Variants in SMAD1 observed in about 807,000 individuals in gnomAD.
The protein encoded by SMAD1 is MAD, mothers against decapentaplegic homolog 1.
A neutral mutation model predicts 41.6 loss-of-function variants in SMAD1; 6 were observed. That is an observed-to-expected ratio of 0.14 (90% CI 0.08 to 0.28). SMAD1 has a LOEUF of 0.28. Among genes scored for constraint, SMAD1 ranks in the 10% least tolerant of loss-of-function variants. The pLI is 1.00. For missense variants in SMAD1, 379 were observed against 582.6 expected (o/e 0.65, Z 3.60); for synonymous variants, 206 against 203.2 (o/e 1.01, Z -0.12).
At chr4:145,498,684 A>G (rs956107082) in intron 1 of SMAD1, among the ~76,000 whole-genome samples, 1 of 151,928 alleles carries the variant, frequency 6.6e-6, no homozygotes, top group Non-Finnish European at 1.5e-5. Flanking sequence ...TTTTGTTTCT[A>G]TTTGTGTTTT....
chr4:145,558,500 A>G lies in SMAD1; in HGVS notation c.*566A>G, dbSNP rs935941079. ...TTGTATGCTGACCATACTTGCTGTC[A>G]GAATAATGCTAGGCATATGCTTTTT... is the stretch of plus-strand genomic sequence containing the variant. On this transcript the variant is annotated 3_prime_UTR_variant, in exon 7 of 7. Transcript: ENST00000302085. 6.6e-6 allele frequency among the ~76,000 whole-genome samples: 1 copy of G among 152,246 alleles called. No homozygotes were observed.
At chr4:145,546,664 G>A in intron 4 of SMAD1, 39 bp from the exon 5 acceptor site, 1 of 1,448,068 alleles carries the variant, frequency 6.9e-7, no homozygotes, top group Non-Finnish European at 9.7e-7. Context: ...AGAGCCTGAG[G>A]CACTAACCTT....
chr4:145,491,775 C>G (rs1008369679), intron 1 of SMAD1, among the ~76,000 whole-genome samples: 1 of 152,176 alleles, frequency 6.6e-6, no homozygotes, highest in African/African-American at 2.4e-5. Flanking sequence ...CACAGTTTCT[C>G]AGTCACCTGG....
intron 2 of SMAD1, among the ~76,000 whole-genome samples, chr4:145,523,553 A>G (rs918977779): frequency 1.3e-5 from 2 of 152,218 alleles, no homozygotes; most frequent in Non-Finnish European, 2.9e-5. Context: ...CTATAATACA[A>G]ATATACTATG....
chr4:145,535,315 C>T (rs887840650), intron 2 of SMAD1, among the ~76,000 whole-genome samples: 2 of 152,154 alleles, frequency 1.3e-5, no homozygotes, highest in Non-Finnish European at 2.9e-5. Flanking sequence ...TACCCATTCA[C>T]CCAGCATTTC....
intron 2 of SMAD1, 92 bp downstream of exon 2, chr4:145,515,105 TA>T: frequency 7.7e-7 from 1 of 1,292,196 alleles, no homozygotes. Context: ...TGCTTGTTTT[TA>T]GTTGTAATTT....
chr4:145,490,243 G>A (rs74651749), intron 1 of SMAD1, among the ~76,000 whole-genome samples: 21 of 152,326 alleles, frequency 1.4e-4, no homozygotes, highest in Non-Finnish European at 1.8e-4. Flanking sequence ...AATGTTGACC[G>A]TGGTAAGGAG....
chr4:145,515,906 A>G (rs1046286909), intron 2 of SMAD1, among the ~76,000 whole-genome samples: 11 of 152,182 alleles, frequency 7.2e-5, no homozygotes, highest in African/African-American at 2.4e-4. Flanking sequence ...TCTAACAAGT[A>G]CTTCAGGTGT....
intron 1 of SMAD1, among the ~76,000 whole-genome samples, chr4:145,507,348 G>T (rs1167663747): frequency 6.6e-6 from 1 of 151,968 alleles, no homozygotes; most frequent in Non-Finnish European, 1.5e-5. Flanking sequence ...TTACATAGTT[G>T]TTCATGGTAC....
At chr4:145,518,507 AT>A (rs1730548502) in intron 2 of SMAD1, among the ~76,000 whole-genome samples, 1 of 123,064 alleles carries the variant, frequency 8.1e-6, no homozygotes, top group African/African-American at 2.6e-5. Flanking sequence ...AAAAATAAAA[AT>A]GTGCAAGGTG....
At chr4:145,515,875 G>A (rs1175269414) in intron 2 of SMAD1, among the ~76,000 whole-genome samples, 2 of 152,144 alleles carry the variant, frequency 1.3e-5, no homozygotes, top group African/African-American at 4.8e-5. Context: ...CTGATCCTGG[G>A]ATAGCCTGGT....
intron 1 of SMAD1, among the ~76,000 whole-genome samples, chr4:145,504,814 T>C (rs1011674754): frequency 6.6e-5 from 10 of 152,256 alleles, no homozygotes; most frequent in African/African-American, 2.4e-4. Flanking sequence ...TTCCATTTTG[T>C]GAATTTTTCA....
intron 2 of SMAD1, among the ~76,000 whole-genome samples, chr4:145,531,310 T>G (rs1343538579): frequency 6.6e-6 from 1 of 152,222 alleles, no homozygotes; most frequent in Non-Finnish European, 1.5e-5. Context: ...TTGAAGTGTC[T>G]CTGTTTAGAA....
At chr4:145,498,380 G>C (rs535537289) in intron 1 of SMAD1, among the ~76,000 whole-genome samples, 7 of 152,136 alleles carry the variant, frequency 4.6e-5, no homozygotes, top group South Asian at 2.1e-4. Context: ...AAAATCCTAT[G>C]CAGATACACT....
intron 1 of SMAD1, among the ~76,000 whole-genome samples, chr4:145,489,363 G>A (rs1186914258): frequency 6.6e-6 from 1 of 152,172 alleles, no homozygotes; most frequent in Non-Finnish European, 1.5e-5. Context: ...AGTTTGCACT[G>A]GAGGGATAGA....
intron 1 of SMAD1, among the ~76,000 whole-genome samples, chr4:145,503,509 G>A (rs115444841): frequency 8.6e-4 from 131 of 152,064 alleles, no homozygotes; most frequent in Non-Finnish European, 1.2e-3. Context: ...TTGCTTAGTG[G>A]TGAGTTTTAT....
At chr4:145,549,974 G>A (rs910810444) in intron 5 of SMAD1, among the ~76,000 whole-genome samples, 1 of 152,126 alleles carries the variant, frequency 6.6e-6, no homozygotes, top group African/African-American at 2.4e-5. Context: ...CTCTAAAGAT[G>A]ACTCTTATCC....
chr4:145,549,312 T>C lies in SMAD1; in HGVS notation c.997+2388T>C, dbSNP rs189365381. 3.8e-3 allele frequency among the ~76,000 whole-genome samples: 574 copies of C among 152,328 alleles called. 1 individual carries two copies. The highest frequency in any genetic ancestry group is 0.013 in the African/African-American group (545 of 41,574). ...AATGTATTAGCATTGCCAACTATAC[T>C]ATGGCTATATAAGAGACTATCCCTA... On this transcript the variant is annotated intron_variant, in intron 5 of 6. Transcript: ENST00000302085.
intron 2 of SMAD1, among the ~76,000 whole-genome samples, chr4:145,525,447 C>G (rs1344608378): frequency 6.6e-6 from 1 of 152,140 alleles, no homozygotes; most frequent in Non-Finnish European, 1.5e-5. Flanking sequence ...AGGGTGGATA[C>G]CATGAGCACT....
Sources: allele counts gnomAD v4.1 joint callset (sites outside exome capture counted in the v4.1 genomes callset), GRCh38; gene constraint gnomAD v4.1.1; transcripts MANE v1.5; gene names NCBI Gene and HGNC (gene_info 2026-07-23, HGNC 2026-07-21).